The following CACNA2D3 variants were observed in gnomAD, a reference collection of about 807,000 sequenced individuals.
CACNA2D3 encodes voltage-dependent calcium channel subunit alpha-2/delta-3.
In CACNA2D3, 60 loss-of-function variants were observed where a neutral mutation model predicts 160.6. The observed-to-expected ratio is 0.37, with a 90% confidence interval of 0.30 to 0.46. CACNA2D3 has a LOEUF of 0.46. CACNA2D3 is among the 20% of genes least tolerant of loss of function. CACNA2D3 has a pLI of 1.00. For missense variants in CACNA2D3, 1,205 were observed against 1,365.0 expected, an observed-to-expected ratio of 0.88 and a Z score of 1.85; for synonymous variants, 558 against 492.9, an observed-to-expected ratio of 1.13 and a Z score of -1.75.
intron 4 of CACNA2D3, among the ~76,000 whole-genome samples, chr3:54,449,882 T>C (rs978171821): frequency 1.3e-5 from 2 of 152,188 alleles, no homozygotes; most frequent in Non-Finnish European, 2.9e-5. Context: ...TTTATAGCAA[T>C]GTGAGAATAG....
chr3:54,909,643 ATTTTTTTTTT>A (rs759615370), intron 27 of CACNA2D3, among the ~76,000 whole-genome samples: 1 of 123,856 alleles, frequency 8.1e-6, no homozygotes, highest in Non-Finnish European at 1.7e-5. Flanking sequence ...TTTTTTTGTG[ATTTTTTTTTT>A]TTTTTTTTTT....
chr3:54,998,903 T>C (rs780812880), intron 31 of CACNA2D3, among the ~76,000 whole-genome samples: 2 of 152,072 alleles, frequency 1.3e-5, no homozygotes, highest in African/African-American at 2.4e-5. Flanking sequence ...CCTGCTACCA[T>C]GCCCGGCTAA....
At chr3:54,390,087 G>A (rs1040986217) in intron 4 of CACNA2D3, among the ~76,000 whole-genome samples, 2 of 152,200 alleles carry the variant, frequency 1.3e-5, no homozygotes, top group Non-Finnish European at 2.9e-5. Context: ...TATGGCTCAT[G>A]TGGTCAGTTT....
intron 11 of CACNA2D3, among the ~76,000 whole-genome samples, chr3:54,649,815 A>G (rs913527194): frequency 1.4e-4 from 21 of 152,378 alleles, no homozygotes; most frequent in African/African-American, 5.0e-4. Context: ...AGACACATTC[A>G]GTCCATAACA....
At chr3:54,298,808 TCCAGAA>T (rs1703400602) in intron 2 of CACNA2D3, among the ~76,000 whole-genome samples, 1 of 89,590 alleles carries the variant, frequency 1.1e-5, no homozygotes. Flanking sequence ...GCCAGGTGGC[TCCAGAA>T]GGCAGTGGCT....
At chr3:54,926,376 G>T (rs1353830419) in intron 27 of CACNA2D3, among the ~76,000 whole-genome samples, 5 of 152,012 alleles carry the variant, frequency 3.3e-5, no homozygotes, top group African/African-American at 1.2e-4. Context: ...TTATAGTAGA[G>T]CTGTGATAAG....
intron 35 of CACNA2D3, among the ~76,000 whole-genome samples, chr3:55,046,223 G>A (rs1704078240): frequency 6.9e-6 from 1 of 144,816 alleles, no homozygotes; most frequent in Admixed American, 6.8e-5. Context: ...CTAGCATTAG[G>A]TATATCTCCC....
At chr3:54,756,352 C>T (rs934083) in intron 12 of CACNA2D3, among the ~76,000 whole-genome samples, 62,214 of 152,068 alleles carry the variant, frequency 0.41, 13,703 homozygotes, top group East Asian at 0.49. Flanking sequence ...CATCTGTGCC[C>T]ATATAAACAT....
chr3:55,073,861 T>C lies in CACNA2D3; in HGVS notation c.3183+2T>C. 6.2e-7 allele frequency: 1 copy of C among 1,612,204 alleles called. No homozygotes were observed. The highest frequency in any genetic ancestry group is 8.5e-7 in the Non-Finnish European group (1 of 1,178,482). The stretch of plus-strand genomic sequence containing the variant: ...TCTTGTCATGGCTTCCATCCTGAGG[T>C]AAGTCTGAGAACTGTTCCTGTTTCC... On this transcript the variant is annotated splice_donor_variant, in intron 37 of 37. Coordinates refer to ENST00000474759, the MANE Select transcript of CACNA2D3 (RefSeq NM_018398.3). LOFTEE classifies it high-confidence loss of function.
rs114644787 is a variant in CACNA2D3, at chr3:54,332,375, C to T, written c.321+11817C>T. ...AACTGAGTTGTTAGCATTTAAAAAG[C>T]AGTTATCTAATTATTGGCACAACCT... On this transcript the variant is annotated intron_variant, in intron 3 of 37. Transcript: ENST00000474759. Among the ~76,000 whole-genome samples the T allele has an allele frequency of 4.2e-3, 641 of 152,290 alleles. 4 individuals are homozygous for T. Among genetic ancestry groups the T allele is most frequent in the African/African-American group, 0.015 (609 of 41,572 alleles).
intron 4 of CACNA2D3, among the ~76,000 whole-genome samples, chr3:54,387,825 G>A (rs987249724): frequency 6.6e-6 from 1 of 152,148 alleles, no homozygotes; most frequent in African/African-American, 2.4e-5. Context: ...ATTTCTTTTA[G>A]TGGCATGTGG....
chr3:54,210,442 T>TTGTGTG (rs112519809), intron 2 of CACNA2D3, among the ~76,000 whole-genome samples: 2 of 148,076 alleles, frequency 1.4e-5, no homozygotes, highest in Non-Finnish European at 3.0e-5. Context: ...GTGTGTGTGT[T>TTGTGTG]TGTGTGTGTG....
chr3:54,472,930 T>A (rs1389530175), intron 4 of CACNA2D3, among the ~76,000 whole-genome samples: 1 of 152,162 alleles, frequency 6.6e-6, no homozygotes, highest in Non-Finnish European at 1.5e-5. Context: ...ATAGGAAGAA[T>A]CAGTATCGTG....
chr3:54,783,058 A>G (rs1347570686), intron 13 of CACNA2D3, among the ~76,000 whole-genome samples: 3 of 152,142 alleles, frequency 2.0e-5, no homozygotes, highest in Non-Finnish European at 4.4e-5. Context: ...AGGAAATGGG[A>G]TAATTCATGG....
intron 34 of CACNA2D3, 59 bp from the exon 35 acceptor site, chr3:55,018,147 C>A: frequency 9.3e-7 from 1 of 1,080,608 alleles, no homozygotes; most frequent in South Asian, 1.3e-5. Context: ...GGCTGCCAGT[C>A]ACAATTTTGA....
intron 3 of CACNA2D3, among the ~76,000 whole-genome samples, chr3:54,354,589 C>T (rs1698617526): frequency 6.6e-6 from 1 of 152,132 alleles, no homozygotes; most frequent in African/African-American, 2.4e-5. Context: ...TCTGTCAGTG[C>T]TCTTACTTCT....
intron 13 of CACNA2D3, among the ~76,000 whole-genome samples, chr3:54,816,565 C>T (rs1488140277): frequency 6.6e-6 from 1 of 152,156 alleles, no homozygotes; most frequent in Non-Finnish European, 1.5e-5. Context: ...AGAAGAGCCT[C>T]GGTTCCAGCT....
chr3:54,199,191 A>C (rs1559879757), intron 2 of CACNA2D3, among the ~76,000 whole-genome samples: 1 of 152,000 alleles, frequency 6.6e-6, no homozygotes, highest in South Asian at 2.1e-4. Context: ...AAAACACCCA[A>C]ATTCAGTAGT....
intron 13 of CACNA2D3, among the ~76,000 whole-genome samples, chr3:54,784,819 C>A (rs1409141217): frequency 6.6e-6 from 1 of 152,178 alleles, no homozygotes; most frequent in Non-Finnish European, 1.5e-5. Flanking sequence ...TTTTCAAGAG[C>A]AAGGATAGCT....
Sources: gnomAD v4.1 joint callset for allele counts (sites outside exome capture counted in the v4.1 genomes callset) on GRCh38, gnomAD v4.1.1 for gene constraint, MANE v1.5 for transcripts, NCBI Gene and HGNC (gene_info 2026-07-23, HGNC 2026-07-21) for gene names.